SOS2: variants seen among roughly 807,000 people sequenced by gnomAD.
SOS2 encodes the protein SOS Ras/Rho guanine nucleotide exchange factor 2.
Under a neutral mutation model 148.2 loss-of-function variants are expected in SOS2, and 65 were observed. The observed-to-expected ratio is 0.44, with a 90% CI of 0.36 to 0.54. SOS2 has a LOEUF of 0.54. Ranked by LOEUF, SOS2 falls within the 20% of genes least tolerant of loss-of-function variation. The pLI is 0.00. For missense variants in SOS2, 1,341 were observed against 1,590.2 expected (o/e 0.84, Z 2.67); for synonymous variants, 539 against 537.1 (o/e 1.00, Z -0.05).
chr14:50,204,882 C>T (rs959044173), intron 1 of SOS2, among the ~76,000 whole-genome samples: 3 of 85,868 alleles, frequency 3.5e-5, no homozygotes, highest in South Asian at 3.4e-4. Flanking sequence ...AGCACCCCAC[C>T]TTTTTTTCTT....
intron 4 of SOS2, among the ~76,000 whole-genome samples, chr14:50,196,034 A>G (rs574719768): frequency 6.6e-6 from 1 of 152,214 alleles, no homozygotes; most frequent in South Asian, 2.1e-4. Context: ...CTCAAAAAAG[A>G]AAAAAAACAA....
chr14:50,221,707 A>G (rs965441934), intron 1 of SOS2, among the ~76,000 whole-genome samples: 17 of 152,172 alleles, frequency 1.1e-4, no homozygotes, highest in African/African-American at 3.9e-4. Context: ...GTGTGGTGGC[A>G]TGTGCCTGCA....
At chr14:50,201,125 T>A in intron 2 of SOS2, 41 bp from the exon 3 acceptor site, 1 of 1,582,922 alleles carries the variant, frequency 6.3e-7, no homozygotes, top group South Asian at 1.1e-5. Context: ...TTAATAAAAG[T>A]GTTCATAAAT....
intron 21 of SOS2, among the ~76,000 whole-genome samples, chr14:50,127,975 A>G (rs1343566416): frequency 6.6e-6 from 1 of 152,252 alleles, no homozygotes; most frequent in Non-Finnish European, 1.5e-5. Flanking sequence ...AATTAAATGT[A>G]TAATAGGCTT....
At chr14:50,202,194 C>T (rs1672720643) in intron 2 of SOS2, among the ~76,000 whole-genome samples, 1 of 152,164 alleles carries the variant, frequency 6.6e-6, no homozygotes, top group Admixed American at 6.6e-5. Flanking sequence ...AATTCCTGGG[C>T]TCAAGTGATT....
chr14:50,149,046 G>A (rs953692891), intron 14 of SOS2, among the ~76,000 whole-genome samples: 2 of 152,142 alleles, frequency 1.3e-5, no homozygotes, highest in African/African-American at 4.8e-5. Flanking sequence ...CTACAGGCAC[G>A]AGCCACCATG....
At chr14:50,140,575 G>A (rs759964196) in intron 16 of SOS2, among the ~76,000 whole-genome samples, 2 of 152,040 alleles carry the variant, frequency 1.3e-5, no homozygotes, top group South Asian at 2.1e-4. Flanking sequence ...ACACACACAC[G>A]TAAACCCCAG....
rs954559706 is a variant in SOS2 at position 50,157,987 on chromosome 14, A to G, written c.1934+578T>C. 5.3e-5 allele frequency among the ~76,000 whole-genome samples: 8 copies of G among 152,268 alleles called. No individual in the cohort carries two copies. The East Asian group carries it at 1.5e-3, about 29-fold the overall frequency. ...TATTAAAAATGATCCCGTATTTTCT[A>G]GAGATACATAGAAAAATATTTATAG... On this transcript the variant is annotated intron_variant, in intron 11 of 22. Transcript: ENST00000216373.
chr14:50,183,550 T>C (rs923793516), intron 5 of SOS2, among the ~76,000 whole-genome samples: 13 of 152,130 alleles, frequency 8.5e-5, no homozygotes, highest in African/African-American at 3.1e-4. Context: ...TTCTAGATAG[T>C]TTTTTTAAAT....
At chr14:50,204,013 T>G (rs888395990) in intron 2 of SOS2, among the ~76,000 whole-genome samples, 2 of 152,158 alleles carry the variant, frequency 1.3e-5, no homozygotes, top group African/African-American at 4.8e-5. Flanking sequence ...CCATGATCCA[T>G]TTTGAATTAA....
At chr14:50,175,594 C>T (rs1242505929) in intron 7 of SOS2, among the ~76,000 whole-genome samples, 1 of 151,912 alleles carries the variant, frequency 6.6e-6, no homozygotes, top group Non-Finnish European at 1.5e-5. Flanking sequence ...AAACAGATTC[C>T]CTTAAAGCTC....
intron 1 of SOS2, among the ~76,000 whole-genome samples, chr14:50,224,815 G>T (rs904334065): frequency 6.9e-6 from 1 of 145,738 alleles, no homozygotes; most frequent in South Asian, 2.2e-4. Flanking sequence ...GAGCCCAGGA[G>T]TTGGAGGCTG....
At chr14:50,208,112 A>T (rs766177369) in intron 1 of SOS2, among the ~76,000 whole-genome samples, 5 of 152,066 alleles carry the variant, frequency 3.3e-5, no homozygotes, top group African/African-American at 1.2e-4. Flanking sequence ...CCTGGCCAAC[A>T]TGGTGAAATC....
intron 18 of SOS2, 37 bp from the exon 19 acceptor site, chr14:50,134,276 A>C (rs1884002498): frequency 1.1e-6 from 1 of 941,776 alleles, no homozygotes; most frequent in Admixed American, 2.2e-5. Flanking sequence ...CATATATAGT[A>C]AGTATATATT....
At chr14:50,229,256 ATACG>A (rs1246640638) in intron 1 of SOS2, among the ~76,000 whole-genome samples, 1 of 152,216 alleles carries the variant, frequency 6.6e-6, no homozygotes, top group Admixed American at 6.5e-5. Flanking sequence ...AAAATTTTCC[ATACG>A]TATGTATTTC....
rs1230203021 is a variant in SOS2, at chr14:50,150,151, G to A, written c.2241C>T (p.Ser747=). Residue 747 remains serine (S), a synonymous_variant, in exon 14 of 23, where the codon AGC becomes AGT. Transcript: ENST00000216373. ...RKKQAQANGV[S]HNITFESPPP... Reference sequence around the variant, plus strand: ...GTGGACTTTCAAAGGTAATATTATGGCTTACTCCGTTTGCCTGAGCTTGCT... The same window carrying A: ...GTGGACTTTCAAAGGTAATATTATGACTTACTCCGTTTGCCTGAGCTTGCT... 14 of 1,613,144 alleles carry A rather than the reference G, an allele frequency of 8.7e-6. No individual in the cohort carries two copies. The highest frequency in any genetic ancestry group is 1.2e-5 in the Non-Finnish European group (14 of 1,179,150).
At chr14:50,185,688 T>C (rs1279079226) in intron 5 of SOS2, among the ~76,000 whole-genome samples, 3 of 136,790 alleles carry the variant, frequency 2.2e-5, no homozygotes, top group Admixed American at 7.3e-5. Context: ...CAAGACTCTG[T>C]CTCAAAAAAA....
intron 1 of SOS2, among the ~76,000 whole-genome samples, chr14:50,210,390 C>T (rs1380155176): frequency 6.6e-6 from 1 of 152,120 alleles, no homozygotes; most frequent in Non-Finnish European, 1.5e-5. Context: ...AAAAATCAAT[C>T]CTAGCTGCAT....
intron 17 of SOS2, among the ~76,000 whole-genome samples, chr14:50,139,689 A>G (rs572094608): frequency 6.6e-6 from 1 of 152,228 alleles, no homozygotes; most frequent in Non-Finnish European, 1.5e-5. Flanking sequence ...TTACCATTTC[A>G]TGAGTGCGTC....
Sources: allele counts gnomAD v4.1 joint callset (sites outside exome capture counted in the v4.1 genomes callset), GRCh38; gene constraint gnomAD v4.1.1; transcripts MANE v1.5; gene names NCBI Gene and HGNC (gene_info 2026-07-23, HGNC 2026-07-21).